The following FER variants were observed in gnomAD, a reference collection of about 807,000 sequenced individuals.
FER encodes the protein tyrosine-protein kinase Fer.
In FER, 63 loss-of-function variants were observed where a neutral mutation model predicts 111.0. The ratio of observed to expected loss-of-function variants is 0.57; its 90% CI spans 0.46 to 0.70. The LOEUF is 0.70. Among genes scored for constraint, FER ranks in the 30% least tolerant of loss-of-function variants. The pLI is 0.00. For synonymous variants in FER, 327 were observed against 313.9 expected, an observed-to-expected ratio of 1.04 and a Z score of -0.44; for missense variants, 914 against 954.0, an observed-to-expected ratio of 0.96 and a Z score of 0.55.
At chr5:109,123,378 G>T (rs933085945) in intron 17 of FER, among the ~76,000 whole-genome samples, 3 of 151,616 alleles carry the variant, frequency 2.0e-5, no homozygotes, top group Admixed American at 2.0e-4. Flanking sequence ...GGATGGTCTC[G>T]ATCTCCTGGC....
At chr5:108,951,896 A>G (rs566415366) in intron 11 of FER, among the ~76,000 whole-genome samples, 7 of 152,284 alleles carry the variant, frequency 4.6e-5, no homozygotes, top group African/African-American at 1.4e-4. Flanking sequence ...AGCCTGGACC[A>G]GGGTAAGGAG....
At chr5:108,826,157 A>G (rs1016605309) in intron 3 of FER, among the ~76,000 whole-genome samples, 5 of 152,156 alleles carry the variant, frequency 3.3e-5, no homozygotes, top group South Asian at 2.1e-4. Flanking sequence ...ATTTTGCCCA[A>G]TACTCTTTGT....
chr5:109,033,331 C>T (rs143524030), intron 13 of FER, among the ~76,000 whole-genome samples: 1 of 152,196 alleles, frequency 6.6e-6, no homozygotes, highest in Non-Finnish European at 1.5e-5. Context: ...TTAGGAGAAA[C>T]CAGCTCTGGA....
intron 3 of FER, among the ~76,000 whole-genome samples, chr5:108,811,353 T>C (rs1207828961): frequency 6.6e-6 from 1 of 152,230 alleles, no homozygotes. Flanking sequence ...TATTTTGCCA[T>C]GGATCTCTTC....
chr5:109,090,962 A>G (rs1486715042), intron 16 of FER, among the ~76,000 whole-genome samples: 2 of 152,208 alleles, frequency 1.3e-5, no homozygotes, highest in Admixed American at 6.5e-5. Flanking sequence ...CTTCTAGGAA[A>G]ATGTGAGAAG....
At chr5:108,957,833 A>G (rs925764453) in intron 12 of FER, among the ~76,000 whole-genome samples, 1 of 151,634 alleles carries the variant, frequency 6.6e-6, no homozygotes, top group Non-Finnish European at 1.5e-5. Flanking sequence ...AGGAGGTACA[A>G]ATATTATCTC....
chr5:109,055,620 A>C (rs919918888), intron 16 of FER, among the ~76,000 whole-genome samples: 2 of 151,262 alleles, frequency 1.3e-5, no homozygotes, highest in Admixed American at 6.6e-5. Context: ...TCCTGTCTCT[A>C]TGACTTTTTT....
Position 108,883,517 on chromosome 5 carries a change from G to C in FER, c.1045G>C (p.Asp349His). 6.3e-7 allele frequency: 1 copy of C among 1,591,974 alleles called. No homozygotes were observed. The highest frequency in any genetic ancestry group is 1.1e-5 in the South Asian group (1 of 86,990). ...ESSETCEKKSDIVLLLSQKQA... is the reference protein window; with the variant it reads ...ESSETCEKKSHIVLLLSQKQA... ...TTCTGAAACTTGTGAGAAGAAGTCT[G>C]AGTGAGTAAAAGAGAAACAATTTGA... Residue 349 changes from aspartate to histidine, a missense_variant and splice_region_variant, in exon 9 of 20, where the codon GAT becomes CAT. Physicochemically the swap from Asp to His is moderately conservative, Grantham distance 81. Transcript: ENST00000281092.
chr5:109,089,676 G>A (rs1399167278), intron 16 of FER, among the ~76,000 whole-genome samples: 1 of 152,178 alleles, frequency 6.6e-6, no homozygotes, highest in Non-Finnish European at 1.5e-5. Flanking sequence ...ATCTTGAAAT[G>A]AGTGAAAAAA....
At position 109,120,907 on chromosome 5, in the gene FER, G is replaced by A. The variant is rs375128426; in HGVS notation, c.2048+20388G>A. On this transcript the variant is annotated intron_variant, in intron 17 of 19. Coordinates refer to ENST00000281092, the MANE Select transcript of FER (RefSeq NM_005246.4). ...TTCTTTTTCAACTTGTTTGCTGTTG[G>A]CATATGGAAATGCTACTAATTTGTG... Among the ~76,000 whole-genome samples the A allele has an allele frequency of 3.9e-5, 6 of 152,152 alleles. No individual in the cohort carries two copies. The East Asian group carries it at 7.7e-4, about 20-fold the overall frequency.
intron 13 of FER, among the ~76,000 whole-genome samples, chr5:108,976,026 T>G (rs1761291278): frequency 6.6e-6 from 1 of 152,150 alleles, no homozygotes; most frequent in Non-Finnish European, 1.5e-5. Flanking sequence ...AGAAGCAACC[T>G]CAGGGCCACA....
At chr5:108,958,136 A>T (rs567324580) in intron 12 of FER, among the ~76,000 whole-genome samples, 5 of 151,956 alleles carry the variant, frequency 3.3e-5, no homozygotes, top group Admixed American at 3.3e-4. Context: ...TGAAACAAAT[A>T]TTCATTTAAA....
At chr5:108,803,220 G>C (rs1361707320) in intron 3 of FER, among the ~76,000 whole-genome samples, 1 of 151,612 alleles carries the variant, frequency 6.6e-6, no homozygotes, top group African/African-American at 2.4e-5. Flanking sequence ...TAAGTTCTGT[G>C]TAGAACATTA....
chr5:109,108,395 C>A (rs1210991787), intron 17 of FER, among the ~76,000 whole-genome samples: 1 of 152,086 alleles, frequency 6.6e-6, no homozygotes, highest in African/African-American at 2.4e-5. Context: ...ATATGGATAT[C>A]CCTCTTATGA....
intron 1 of FER, among the ~76,000 whole-genome samples, chr5:108,754,094 G>T (rs1750800437): frequency 6.6e-6 from 1 of 152,082 alleles, no homozygotes; most frequent in Non-Finnish European, 1.5e-5. Context: ...AATCTACTCT[G>T]ATTTATTGGA....
intron 17 of FER, among the ~76,000 whole-genome samples, chr5:109,150,998 A>G (rs979377958): frequency 3.2e-4 from 49 of 152,188 alleles, no homozygotes; most frequent in African/African-American, 1.2e-3. Flanking sequence ...ATAATGAAAT[A>G]TAGACCAAGT....
Position 108,866,286 on chromosome 5 carries a change from G to A in FER, c.482-1481G>A, listed in dbSNP as rs1164756821. Among the ~76,000 whole-genome samples, 22 of 152,148 alleles carry A rather than the reference G, an allele frequency of 1.4e-4. 1 individual carries two copies. On this transcript the variant is annotated intron_variant, in intron 5 of 19. Transcript: ENST00000281092. ...AAGGATGAGTTCATGTCCTTTGTAG[G>A]GACATGGATGAAGCTGGAAACCATC...
chr5:109,138,651 G>C (rs1239245351), intron 17 of FER, among the ~76,000 whole-genome samples: 2 of 152,076 alleles, frequency 1.3e-5, no homozygotes, highest in Admixed American at 6.6e-5. Context: ...GATTTCTCTA[G>C]TTCCTCTCAC....
At chr5:109,052,192 A>G (rs1772930855) in intron 16 of FER, 5 of 1,608,032 alleles carry the variant, frequency 3.1e-6, no homozygotes, top group Non-Finnish European at 4.3e-6. Flanking sequence ...GTACAAGAGT[A>G]TGGGTACAGA....
Sources: gnomAD v4.1 joint callset for allele counts (sites outside exome capture counted in the v4.1 genomes callset) on GRCh38, gnomAD v4.1.1 for gene constraint, MANE v1.5 for transcripts, NCBI Gene and HGNC (gene_info 2026-07-23, HGNC 2026-07-21) for gene names.